Variants in ISL1 observed in about 807,000 individuals in gnomAD.
The protein encoded by ISL1 is insulin gene enhancer protein ISL-1.
A neutral mutation model predicts 35.3 loss-of-function variants in ISL1; 4 were observed. The observed-to-expected ratio is 0.11, with a 90% CI of 0.06 to 0.26. The LOEUF (loss-of-function observed/expected upper bound fraction) is 0.26. ISL1 is among the 10% of genes least tolerant of loss of function. The pLI is 1.00. For missense variants in ISL1, 340 were observed against 472.8 expected (o/e 0.72, Z 2.60); for synonymous variants, 186 against 172.3 (o/e 1.08, Z -0.62).
At chr5:51,388,323 CAG>C (rs1747404681) in intron 3 of ISL1, among the ~76,000 whole-genome samples, 1 of 152,160 alleles carries the variant, frequency 6.6e-6, no homozygotes. Context: ...GGCCATTGCA[CAG>C]AGTTGTAATA....
intron 1 of ISL1, 110 bp downstream of exon 1, chr5:51,383,809 GGA>G (rs1409259872): frequency 3.1e-6 from 3 of 953,074 alleles, no homozygotes; most frequent in Admixed American, 1.7e-5. Flanking sequence ...GTCATTGCCT[GGA>G]GAAAGAGAAA....
At chr5:51,390,558 C>T (rs1438812598) in intron 4 of ISL1, among the ~76,000 whole-genome samples, 2 of 151,512 alleles carry the variant, frequency 1.3e-5, no homozygotes, top group Non-Finnish European at 2.9e-5. Flanking sequence ...TTATCTTGGT[C>T]CCACGGAAGC....
At chr5:51,392,774 G>A (rs1310902065) in intron 5 of ISL1, among the ~76,000 whole-genome samples, 1 of 152,166 alleles carries the variant, frequency 6.6e-6, no homozygotes, top group African/African-American at 2.4e-5. Context: ...AGCTGAGGCA[G>A]GAGTGGGCAT....
chr5:51,384,482 T>C, intron 1 of ISL1, 59 bp from the exon 2 acceptor site: 1 of 1,472,672 alleles, frequency 6.8e-7, no homozygotes, highest in Non-Finnish European at 9.5e-7. Flanking sequence ...ACACTAAAAG[T>C]GTGTTTATCT....
In ISL1 at chr5:51,389,995, G is replaced by C. The variant is rs1747450581; in HGVS notation, c.765+63G>C. On this transcript the variant is annotated intron_variant, in intron 4 of 5. Transcript: ENST00000230658. This position sits in a 1 kb window ranked among gnomAD's most constrained non-coding sequence, Gnocchi z 5.0. ...GAAGGAGACGCAGCGTGCGAGGTGC[G>C]TTCCTGGTACGCAGGATCGCACGGT... 2 of 1,566,496 alleles carry C rather than the reference G, an allele frequency of 1.3e-6. No individual in the cohort carries two copies. Among genetic ancestry groups the C allele is most frequent in the Admixed American group, 1.7e-5 (1 of 57,590 alleles).
At position 51,393,735 on chromosome 5, in the gene ISL1, G is replaced by T; in HGVS notation, c.*125G>T. ...CTGAATCAAGAAATGAATGCTCCAT[G>T]AAATGCACGAAGTCTGTTTTAATGA... On this transcript the variant is annotated 3_prime_UTR_variant, in exon 6 of 6. Transcript: ENST00000230658. 1.4e-6 allele frequency: 1 copy of T among 739,502 alleles called. No homozygotes were observed. The highest frequency in any genetic ancestry group is 2.5e-6 in the Non-Finnish European group (1 of 403,580). The allele number at this position is 739,502 out of a possible 1,614,324, so 45.8% of individuals were successfully genotyped here.
chr5:51,391,711 T>C (rs73095562), intron 5 of ISL1, among the ~76,000 whole-genome samples: 3,293 of 152,166 alleles, frequency 0.022, 133 homozygotes, highest in African/African-American at 0.076. Context: ...AATTTCAAGG[T>C]ACCTAACTCT....
At chr5:51,390,036 T>A in intron 4 of ISL1, 104 bp downstream of exon 4, 12 of 1,328,158 alleles carry the variant, frequency 9.0e-6, no homozygotes, top group Non-Finnish European at 1.2e-5. Flanking sequence ...ATCCTGCTCC[T>A]GGGCAGGAGT....
chr5:51,391,622 T>G, intron 5 of ISL1, 181 bp downstream of exon 5: 5 of 652,502 alleles, frequency 7.7e-6, no homozygotes, highest in Non-Finnish European at 8.1e-6. Flanking sequence ...CCTCTTGGCA[T>G]CTTTTTTTTT....
At chr5:51,392,814 A>G (rs933868611) in intron 5 of ISL1, among the ~76,000 whole-genome samples, 1 of 152,168 alleles carries the variant, frequency 6.6e-6, no homozygotes, top group Non-Finnish European at 1.5e-5. Flanking sequence ...CAGCAGTACA[A>G]TGCGTTTAGG....
At chr5:51,392,245 G>A (rs1747532880) in intron 5 of ISL1, among the ~76,000 whole-genome samples, 1 of 151,936 alleles carries the variant, frequency 6.6e-6, no homozygotes, top group African/African-American at 2.4e-5. Flanking sequence ...AGGCTTAAGG[G>A]GTCAAGATAA....
In ISL1 at chr5:51,393,662, A is replaced by G. The variant is rs531314825; in HGVS notation, c.*52A>G. Reference sequence around the variant, plus strand: ...CCTGTTGGAGAAAGTGGGAAATTATAATGTCGAACTCTGAAACAAAAGTAT... The same window carrying G: ...CCTGTTGGAGAAAGTGGGAAATTATGATGTCGAACTCTGAAACAAAAGTAT... On this transcript the variant is annotated 3_prime_UTR_variant, in exon 6 of 6. Coordinates refer to ENST00000230658, the MANE Select transcript of ISL1 (RefSeq NM_002202.3). 2 of 1,125,244 alleles carry G rather than the reference A, an allele frequency of 1.8e-6. No individual in the cohort carries two copies. Among genetic ancestry groups the G allele is most frequent in the Admixed American group, 1.7e-5 (1 of 59,406 alleles). 69.7% of individuals were successfully genotyped at this position (1,125,244 alleles called of 1,614,324 possible).
At chr5:51,385,834 T>C (rs1747330328) in intron 2 of ISL1, among the ~76,000 whole-genome samples, 1 of 152,194 alleles carries the variant, frequency 6.6e-6, no homozygotes, top group Admixed American at 6.5e-5. Flanking sequence ...AGGCAAATGG[T>C]TTCTGGAGCT....
At chr5:51,390,428 C>T (rs1247692536) in intron 4 of ISL1, among the ~76,000 whole-genome samples, 1 of 152,106 alleles carries the variant, frequency 6.6e-6, no homozygotes, top group African/African-American at 2.4e-5. Context: ...TAAGGTCGGC[C>T]GCTGCGCCTT....
At position 51,394,129 on chromosome 5, in the gene ISL1, A is replaced by G. The variant is rs1747582246; in HGVS notation, c.*519A>G. On this transcript the variant is annotated 3_prime_UTR_variant, in exon 6 of 6. Transcript: ENST00000230658. Reference sequence around the variant, plus strand: ...GGAGCTGCATTGGTTTGATATGTTTAAAGTTGACTTTAACAAGGGGTTAAT... The same window carrying G: ...GGAGCTGCATTGGTTTGATATGTTTGAAGTTGACTTTAACAAGGGGTTAAT... 1.2e-5 allele frequency: 2 copies of G among 162,628 alleles called. No individual in the cohort carries two copies. Among genetic ancestry groups the G allele is most frequent in the African/African-American group, 4.8e-5 (2 of 41,486 alleles). 10.1% of individuals were successfully genotyped at this position (162,628 alleles called of 1,614,324 possible). A position where few individuals can be genotyped will look rare whatever the true frequency, so the allele number is the denominator to read the frequency against.
At chr5:51,390,642 CTTTTT>C (rs57707586) in intron 4 of ISL1, among the ~76,000 whole-genome samples, 18 of 40,238 alleles carry the variant, frequency 4.5e-4, no homozygotes, top group South Asian at 1.1e-3. Context: ...CTTTCTTTTT[CTTTTT>C]TTTTTTTTTT....
At position 51,387,682 on chromosome 5, in the gene ISL1, G is replaced by A; in HGVS notation, c.411G>A (p.Glu137=). 1 of 1,614,234 alleles carries A rather than the reference G, an allele frequency of 6.2e-7. No individual in the cohort carries two copies. The highest frequency in any genetic ancestry group is 8.5e-7 in the Non-Finnish European group (1 of 1,180,056). ...LFCRADHDVV[E]RASLGAGDPL... is the part of the protein sequence containing the mutation. ...GCCGAGCAGACCACGATGTGGTGGA[G>A]AGGGCCAGTCTAGGCGCTGGCGACC... is the stretch of plus-strand genomic sequence containing the variant. Residue 137 remains glutamate (E), a synonymous_variant, in exon 3 of 6, where the codon GAG becomes GAA. Coordinates refer to ENST00000230658, the MANE Select transcript of ISL1 (RefSeq NM_002202.3). The surrounding 1 kb of genome is among the most constrained non-coding windows in gnomAD (Gnocchi z 4.3).
In ISL1 at chr5:51,387,522, T is replaced by C; in HGVS notation, c.251T>C (p.Ile84Thr). Reference protein sequence around the residue: ...LYGIKCAKCSIGFSKNDFVMR... With the variant: ...LYGIKCAKCSTGFSKNDFVMR... ...GGGATCAAATGCGCCAAGTGCAGCA[T>C]CGGCTTCAGCAAGAACGACTTCGTG... The change falls in exon 3 of 6, where the codon ATC becomes ACC. Residue 84 changes from isoleucine to threonine, a missense_variant. Transcript: ENST00000230658. The surrounding 1 kb of genome is among the most constrained non-coding windows in gnomAD (Gnocchi z 4.3). The C allele has an allele frequency of 6.2e-7, 1 of 1,614,130 alleles. No homozygotes were observed. Among genetic ancestry groups the C allele is most frequent in the South Asian group, 1.1e-5 (1 of 91,076 alleles).
intron 4 of ISL1, among the ~76,000 whole-genome samples, chr5:51,390,570 C>T (rs946853891): frequency 6.6e-6 from 1 of 151,522 alleles, no homozygotes; most frequent in African/African-American, 2.4e-5. Context: ...CACGGAAGCA[C>T]CCACTCTGCA....
Sources: allele counts gnomAD v4.1 joint callset (sites outside exome capture counted in the v4.1 genomes callset), GRCh38; gene constraint gnomAD v4.1.1; non-coding constraint Gnocchi (gnomAD v3.1); transcripts MANE v1.5; gene names NCBI Gene and HGNC (gene_info 2026-07-23, HGNC 2026-07-21).